Variants in MDN1 observed in about 807,000 individuals in gnomAD.
MDN1 encodes the protein midasin AAA ATPase 1, also known as midasin.
A neutral mutation model predicts 669.2 loss-of-function variants in MDN1; 266 were observed. The observed-to-expected ratio is 0.40, with a 90% CI of 0.36 to 0.44. MDN1 has a LOEUF of 0.44. Among genes scored for constraint, MDN1 ranks in the 20% least tolerant of loss-of-function variants. MDN1 has a pLI of 1.00. For synonymous variants in MDN1, 2,385 were observed against 2,457.1 expected (o/e 0.97, Z 0.87); for missense variants, 5,940 against 6,754.0 (o/e 0.88, Z 4.22).
Position 89,668,001 on chromosome 6 carries a change from T to C in MDN1, c.14094+13A>G, listed in dbSNP as rs1810384258. Reference sequence around the variant, plus strand: ...TGATCTTCTGTCAACTGTATACCTATGTGAAAACGTACCTGTTCTTCATTT... The same window carrying C: ...TGATCTTCTGTCAACTGTATACCTACGTGAAAACGTACCTGTTCTTCATTT... On this transcript the variant is annotated intron_variant, in intron 84 of 101. Coordinates refer to ENST00000369393, the MANE Select transcript of MDN1 (RefSeq NM_014611.3). 1.9e-6 allele frequency: 3 copies of C among 1,613,046 alleles called. No homozygotes were observed. The highest frequency in any genetic ancestry group is 1.3e-5 in the African/African-American group (1 of 74,982).
chr6:89,788,041 T>C (rs1013048735), intron 7 of MDN1, 84 bp from the exon 8 acceptor site: 6 of 1,167,326 alleles, frequency 5.1e-6, no homozygotes, highest in African/African-American at 1.5e-5. Context: ...TCTCTCAAAA[T>C]GACAGACACA....
chr6:89,648,305 T>C lies in MDN1; in HGVS notation c.16231A>G (p.Ile5411Val). The C allele has an allele frequency of 6.2e-7, 1 of 1,614,146 alleles. No individual in the cohort carries two copies. Among genetic ancestry groups the C allele is most frequent in the Non-Finnish European group, 8.5e-7 (1 of 1,179,992 alleles). ...TCCAGGAGGGTTAGAGCATTTCCAATCACAGCCAAAGATTCAAATGCAAGC... is the reference window on the plus strand; with the variant it reads ...TCCAGGAGGGTTAGAGCATTTCCAACCACAGCCAAAGATTCAAATGCAAGC... ...KQLAFESLAV[I>V]GNALTLLEVG... Residue 5411 changes from isoleucine to valine, a missense_variant, in exon 98 of 102, where the codon ATT becomes GTT. Ile to Val is a conservative substitution (Grantham distance 29). Coordinates refer to ENST00000369393, the MANE Select transcript of MDN1 (RefSeq NM_014611.3).
At chr6:89,661,996 GA>G in intron 87 of MDN1, 90 bp downstream of exon 87, 1 of 1,463,436 alleles carries the variant, frequency 6.8e-7, no homozygotes, top group Non-Finnish European at 9.2e-7. Flanking sequence ...ACGAACAGGG[GA>G]AAAAATATCT....
At chr6:89,648,685 CA>C (rs1292173914) in intron 97 of MDN1, among the ~76,000 whole-genome samples, 3 of 151,830 alleles carry the variant, frequency 2.0e-5, no homozygotes, top group African/African-American at 7.3e-5. Flanking sequence ...CCAGGCAACA[CA>C]GCAAGACCCC....
chr6:89,793,404 T>G (rs1487786009), intron 5 of MDN1, among the ~76,000 whole-genome samples: 1 of 152,078 alleles, frequency 6.6e-6, no homozygotes, highest in Non-Finnish European at 1.5e-5. Flanking sequence ...GAACCATTAG[T>G]TTCTAATTTC....
chr6:89,803,861 G>A (rs1161947430), intron 1 of MDN1, among the ~76,000 whole-genome samples: 27 of 149,038 alleles, frequency 1.8e-4, no homozygotes, highest in Non-Finnish European at 5.9e-5. Context: ...GATTACAGGC[G>A]TGAGCCACCG....
At position 89,776,598 on chromosome 6, in the gene MDN1, AC is replaced by A. The variant is rs1286901534; in HGVS notation, c.1821+1del. 6.2e-7 allele frequency: 1 copy of A among 1,602,474 alleles called. No individual in the cohort carries two copies. Among genetic ancestry groups the A allele is most frequent in the Non-Finnish European group, 8.5e-7 (1 of 1,171,570 alleles). The stretch of plus-strand genomic sequence containing the variant: ...AGGGAAGTAAAAAAACAGCACACAT[AC>A]CTTTTTTCTAGAAATGTTCAATTTG... On this transcript the variant is annotated splice_donor_variant, in intron 12 of 101. Coordinates refer to ENST00000369393, the MANE Select transcript of MDN1 (RefSeq NM_014611.3). LOFTEE classifies it high-confidence loss of function.
chr6:89,708,482 C>T lies in MDN1; in HGVS notation c.7898+14G>A, dbSNP rs747855642. ...GTGAGGCAAACAGTGCCCAGAGCAG[C>T]AGGTTTCACTTACTTGTTTGCAGCT... On this transcript the variant is annotated intron_variant, in intron 51 of 101. Transcript: ENST00000369393. The T allele has an allele frequency of 3.1e-6, 5 of 1,613,570 alleles. No individual in the cohort carries two copies. The highest frequency in any genetic ancestry group is 4.2e-6 in the Non-Finnish European group (5 of 1,179,744).
At chr6:89,646,397 A>G in intron 100 of MDN1, 143 bp downstream of exon 100, 1 of 709,382 alleles carries the variant, frequency 1.4e-6, no homozygotes, top group East Asian at 2.7e-5. Flanking sequence ...ATAAGTAAAA[A>G]TCAGCTCCAT....
intron 1 of MDN1, among the ~76,000 whole-genome samples, chr6:89,810,065 G>A (rs1165256780): frequency 6.7e-6 from 1 of 148,892 alleles, no homozygotes; most frequent in Non-Finnish European, 1.5e-5. Context: ...ATTAATATGG[G>A]CAGTCCCTGA....
intron 91 of MDN1, 71 bp downstream of exon 91, chr6:89,656,627 TAA>T: frequency 9.9e-7 from 1 of 1,012,360 alleles, no homozygotes; most frequent in Non-Finnish European, 1.4e-6. Context: ...TTTTTTTTTT[TAA>T]AGCACTACGT....
intron 70 of MDN1, 44 bp downstream of exon 70, chr6:89,685,783 T>C: frequency 6.3e-7 from 1 of 1,598,720 alleles, no homozygotes; most frequent in East Asian, 2.2e-5. Flanking sequence ...GCCTAACTCA[T>C]TTTAGTCGTG....
chr6:89,785,645 A>C (rs1196542941), intron 8 of MDN1, among the ~76,000 whole-genome samples: 1 of 152,254 alleles, frequency 6.6e-6, no homozygotes, highest in African/African-American at 2.4e-5. Context: ...CCCGAGAGGA[A>C]GATGCCATTC....
chr6:89,652,355 G>A (rs1328740963), intron 94 of MDN1, 74 bp from the exon 95 acceptor site: 10 of 1,128,358 alleles, frequency 8.9e-6, no homozygotes, highest in African/African-American at 7.7e-5. Flanking sequence ...GGTGTCTTCC[G>A]CCCTACAGTA....
chr6:89,703,482 G>A (rs1813306841), intron 53 of MDN1, among the ~76,000 whole-genome samples: 1 of 151,982 alleles, frequency 6.6e-6, no homozygotes, highest in Non-Finnish European at 1.5e-5. Context: ...CAGGTAATAT[G>A]AGTCTCCAAC....
chr6:89,734,691 A>AAGAGAG (rs1554188772), intron 33 of MDN1, among the ~76,000 whole-genome samples: 1 of 112,996 alleles, frequency 8.8e-6, no homozygotes, highest in African/African-American at 3.5e-5. Flanking sequence ...AAAAAAAAAC[A>AAGAGAG]AGAGAGAGAG....
intron 52 of MDN1, among the ~76,000 whole-genome samples, chr6:89,707,116 C>T (rs1354547226): frequency 6.6e-6 from 1 of 152,156 alleles, no homozygotes; most frequent in Non-Finnish European, 1.5e-5. Context: ...ACCTATATCA[C>T]AGGTGGCTAC....
At chr6:89,716,584 G>T in intron 44 of MDN1, 66 bp downstream of exon 44, 2 of 1,525,964 alleles carry the variant, frequency 1.3e-6, no homozygotes, top group East Asian at 4.7e-5. Context: ...TTCTATCTGG[G>T]TTTCTACTTT....
At chr6:89,694,298 G>T in intron 61 of MDN1, 115 bp from the exon 62 acceptor site, 1 of 803,538 alleles carries the variant, frequency 1.2e-6, no homozygotes, top group South Asian at 1.5e-5. Context: ...GTTCCTGAAT[G>T]ACCCAAGGAG....
Sources: allele counts gnomAD v4.1 joint callset (sites outside exome capture counted in the v4.1 genomes callset), GRCh38; gene constraint gnomAD v4.1.1; transcripts MANE v1.5; gene names NCBI Gene and HGNC (gene_info 2026-07-23, HGNC 2026-07-21).